RAD51B: variants seen among roughly 807,000 people sequenced by gnomAD.
The protein encoded by RAD51B is DNA repair protein RAD51 homolog 2.
In RAD51B, 38 loss-of-function variants were observed where a neutral mutation model predicts 42.2. The observed-to-expected ratio is 0.90, with a 90% CI of 0.70 to 1.18. The LOEUF (loss-of-function observed/expected upper bound fraction) is 1.18. Ranked by LOEUF, RAD51B falls within the 50% of genes most tolerant of loss-of-function variation. The pLI is 0.00. For synonymous variants in RAD51B, 154 were observed against 145.2 expected (o/e 1.06, Z -0.43); for missense variants, 373 against 400.7 (o/e 0.93, Z 0.59).
intron 7 of RAD51B, among the ~76,000 whole-genome samples, chr14:67,922,186 C>CT (rs1243416832): frequency 6.6e-6 from 1 of 152,198 alleles, no homozygotes; most frequent in Non-Finnish European, 1.5e-5. Flanking sequence ...TAAGCTCTCC[C>CT]TTGCCTTCTC....
intron 9 of RAD51B, among the ~76,000 whole-genome samples, chr14:68,452,782 A>G (rs1247442236): frequency 1.3e-5 from 2 of 152,206 alleles, no homozygotes; most frequent in Admixed American, 6.5e-5. Context: ...AATCCTCACA[A>G]TAAGCCTATG....
chr14:68,618,667 T>G (rs985510639), intron 10 of RAD51B, among the ~76,000 whole-genome samples: 5 of 152,170 alleles, frequency 3.3e-5, no homozygotes, highest in African/African-American at 1.2e-4. Context: ...ATGTAAACCA[T>G]CTACTGCCCA....
At chr14:68,540,771 G>T in intron 10 of RAD51B, 1 of 985,420 alleles carries the variant, frequency 1.0e-6, no homozygotes, top group African/African-American at 1.7e-5. Context: ...AGCTTGTGAG[G>T]ACTCCAAGGT....
chr14:68,057,821 T>TTGTGTGTGTGTGTGTGTG (rs140213534), intron 7 of RAD51B, among the ~76,000 whole-genome samples: 107 of 138,676 alleles, frequency 7.7e-4, no homozygotes, highest in African/African-American at 2.7e-3. Context: ...TTTTAGTTCT[T>TTGTGTGTGTGTGTGTGTG]TGTGTGTGTG....
chr14:68,677,304 T>G (rs868558260), intron 11 of RAD51B, among the ~76,000 whole-genome samples: 1 of 152,134 alleles, frequency 6.6e-6, no homozygotes, highest in Non-Finnish European at 1.5e-5. Context: ...GATGGATGCA[T>G]TTGGGCCCCG....
At chr14:67,845,914 G>C (rs2041595790) in intron 4 of RAD51B, among the ~76,000 whole-genome samples, 1 of 152,040 alleles carries the variant, frequency 6.6e-6, no homozygotes, top group Non-Finnish European at 1.5e-5. Context: ...GATCATTTTG[G>C]ATAGTATCTC....
chr14:68,361,620 G>T (rs555402227), intron 8 of RAD51B, among the ~76,000 whole-genome samples: 4 of 151,610 alleles, frequency 2.6e-5, no homozygotes, highest in Admixed American at 1.3e-4. Context: ...GTCTCCTGGT[G>T]CTTGTTTCAT....
At chr14:68,016,289 TG>T (rs1480166423) in intron 7 of RAD51B, among the ~76,000 whole-genome samples, 3 of 152,154 alleles carry the variant, frequency 2.0e-5, no homozygotes, top group Non-Finnish European at 2.9e-5. Context: ...TGGGAGTCTC[TG>T]GGGGTAAAAA....
At chr14:67,880,151 A>C (rs1393039051) in intron 5 of RAD51B, among the ~76,000 whole-genome samples, 8 of 152,242 alleles carry the variant, frequency 5.3e-5, no homozygotes, top group Admixed American at 2.6e-4. Context: ...AAAGTATTTA[A>C]GTATTGGGAT....
chr14:68,123,093 T>C (rs2140639765), intron 7 of RAD51B, among the ~76,000 whole-genome samples: 1 of 152,350 alleles, frequency 6.6e-6, no homozygotes, highest in South Asian at 2.1e-4. Flanking sequence ...GCAAATCCTT[T>C]TATGTTTTAT....
At chr14:68,422,167 A>C (rs988966437) in intron 9 of RAD51B, 5 of 1,267,092 alleles carry the variant, frequency 3.9e-6, no homozygotes, top group African/African-American at 2.9e-5. Flanking sequence ...TGTCGACGGC[A>C]AATTCAAAGA....
intron 7 of RAD51B, among the ~76,000 whole-genome samples, chr14:67,972,330 A>G (rs908611388): frequency 1.3e-5 from 2 of 152,012 alleles, no homozygotes; most frequent in Non-Finnish European, 2.9e-5. Context: ...TGGCAGCTCT[A>G]CTATCTGAAC....
chr14:68,638,050 G>C (rs546078634), intron 10 of RAD51B, among the ~76,000 whole-genome samples: 4 of 152,358 alleles, frequency 2.6e-5, no homozygotes, highest in Admixed American at 1.3e-4. Context: ...AGTTTGCAGA[G>C]GTAAGAGGCC....
At chr14:68,593,118 A>C (rs1405969114) in intron 10 of RAD51B, among the ~76,000 whole-genome samples, 1 of 152,214 alleles carries the variant, frequency 6.6e-6, no homozygotes, top group Non-Finnish European at 1.5e-5. Flanking sequence ...CGGAACTGGA[A>C]CTGATTTATT....
chr14:68,327,876 T>G (rs779102014), intron 8 of RAD51B, among the ~76,000 whole-genome samples: 1 of 152,222 alleles, frequency 6.6e-6, no homozygotes, highest in Non-Finnish European at 1.5e-5. Flanking sequence ...GCACAGTATT[T>G]GTGTTTCAGA....
chr14:68,504,032 A>G (rs1020275940), intron 10 of RAD51B, among the ~76,000 whole-genome samples: 2 of 152,190 alleles, frequency 1.3e-5, no homozygotes, highest in African/African-American at 4.8e-5. Context: ...CACAGGCTTT[A>G]ATTACATCTT....
At chr14:68,314,180 G>T (rs3784106) in intron 8 of RAD51B, among the ~76,000 whole-genome samples, 1 of 152,020 alleles carries the variant, frequency 6.6e-6, no homozygotes, top group Non-Finnish European at 1.5e-5. Context: ...TAGCAAGTTC[G>T]CTATCATCGC....
At chr14:68,230,318 T>C (rs763270901) in intron 7 of RAD51B, among the ~76,000 whole-genome samples, 1 of 152,052 alleles carries the variant, frequency 6.6e-6, no homozygotes, top group Non-Finnish European at 1.5e-5. Context: ...ATTTTCAGAG[T>C]AGGACATCTG....
chr14:68,539,643 C>G (rs1887844847), intron 10 of RAD51B, among the ~76,000 whole-genome samples: 1 of 152,228 alleles, frequency 6.6e-6, no homozygotes, highest in African/African-American at 2.4e-5. Flanking sequence ...AAGGCCCCAG[C>G]ATTTCATTAG....
Sources: allele counts gnomAD v4.1 joint callset (sites outside exome capture counted in the v4.1 genomes callset), GRCh38; gene constraint gnomAD v4.1.1; transcripts MANE v1.5; gene names NCBI Gene and HGNC (gene_info 2026-07-23, HGNC 2026-07-21).